SYN3: variants seen among roughly 807,000 people sequenced by gnomAD.
SYN3 encodes synapsin III, also known as synapsin-3.
SYN3 carries 35 observed loss-of-function variants against 65.8 expected under a neutral mutation model. The observed-to-expected ratio is 0.53, with a 90% confidence interval of 0.41 to 0.70. The LOEUF (loss-of-function observed/expected upper bound fraction) is 0.70, where lower values mean the gene tolerates loss of function less well. SYN3 is among the 30% of genes least tolerant of loss of function. The probability of loss-of-function intolerance (pLI) is 0.00; values close to 1 mark genes in which losing one functional copy is unlikely to be tolerated. For synonymous variants in SYN3, 270 were observed against 292.9 expected (o/e 0.92, Z 0.80); for missense variants, 680 against 749.0 (o/e 0.91, Z 1.08).
intron 8 of SYN3, among the ~76,000 whole-genome samples, chr22:32,540,545 A>G (rs4821072): frequency 0.3 from 45,534 of 152,090 alleles, 6,999 homozygotes; most frequent in Middle Eastern, 0.41. Flanking sequence ...AAAGATAGAG[A>G]GGGCTTGGAG....
chr22:32,924,811 G>C lies in SYN3; in HGVS notation c.461+6579C>G, dbSNP rs533229222. On this transcript the variant is annotated intron_variant, in intron 4 of 13. Coordinates refer to ENST00000358763, the MANE Select transcript of SYN3 (RefSeq NM_003490.4). ...AAGTCCAAAATCAAGGTGTTGGCAG[G>C]CTGGGCTTGGTGGCTTATGCCTGTA... 2.2e-4 allele frequency among the ~76,000 whole-genome samples: 33 copies of C among 152,342 alleles called. No individual in the cohort carries two copies. The South Asian group carries it at 6.6e-3, about 31-fold the overall frequency.
At chr22:32,687,737 G>T (rs923962724) in intron 6 of SYN3, among the ~76,000 whole-genome samples, 1 of 35,476 alleles carries the variant, frequency 2.8e-5, no homozygotes, top group Non-Finnish European at 5.1e-5. Flanking sequence ...TTTCCTCCTC[G>T]CTTCAAGGAC....
chr22:32,659,182 T>C (rs915339078), intron 6 of SYN3, among the ~76,000 whole-genome samples: 9 of 151,680 alleles, frequency 5.9e-5, no homozygotes, highest in Admixed American at 1.3e-4. Context: ...AGCTAAAGAG[T>C]TGGAGTGGGG....
chr22:32,918,153 CAA>C (rs1413218174), intron 4 of SYN3, among the ~76,000 whole-genome samples: 6 of 152,222 alleles, frequency 3.9e-5, no homozygotes, highest in African/African-American at 1.4e-4. Context: ...CTTATTCATG[CAA>C]AGAGTCGGCT....
intron 12 of SYN3, among the ~76,000 whole-genome samples, chr22:32,523,276 G>T (rs1442810288): frequency 6.6e-6 from 1 of 152,168 alleles, no homozygotes; most frequent in African/African-American, 2.4e-5. Context: ...ACTTTGGGAG[G>T]CCAAGGCAGG....
intron 6 of SYN3, among the ~76,000 whole-genome samples, chr22:32,780,107 G>C (rs1602129741): frequency 8.1e-6 from 1 of 122,740 alleles, no homozygotes; most frequent in East Asian, 2.4e-4. Flanking sequence ...AAAAAAAACA[G>C]AAATGGCCTG....
chr22:32,943,136 C>T (rs540635502), intron 3 of SYN3, among the ~76,000 whole-genome samples: 1 of 152,188 alleles, frequency 6.6e-6, no homozygotes, highest in East Asian at 1.9e-4. Context: ...CTCCAAGACA[C>T]ATAATTGTCA....
At position 32,556,795 on chromosome 22, in the gene SYN3, GGTTTCCTGGTTTTTT is replaced by G. The variant is rs1205624488; in HGVS notation, c.775-15097_775-15083del. ...CAATGACCCAATGACCCAATCTATA[GGTTTCCTGGTTTTTT>G]TTTTTTTTTTTTTTTTTTTTTTTTT... On this transcript the variant is annotated intron_variant, in intron 7 of 13. Transcript: ENST00000358763. Among the ~76,000 whole-genome samples the G allele has an allele frequency of 2.9e-3, 253 of 87,196 alleles. 24 individuals are homozygous for G. The highest frequency in any genetic ancestry group is 7.4e-3 in the African/African-American group (136 of 18,342). The allele number at this position is 87,196 out of a possible 152,430, so 57.2% of individuals were successfully genotyped here.
At chr22:32,515,823 G>A (rs1266173143) in intron 13 of SYN3, among the ~76,000 whole-genome samples, 1 of 151,640 alleles carries the variant, frequency 6.6e-6, no homozygotes, top group Non-Finnish European at 1.5e-5. Flanking sequence ...TTTCGAGATG[G>A]AGTCTTGCTC....
intron 3 of SYN3, among the ~76,000 whole-genome samples, chr22:32,969,541 A>G (rs2051955673): frequency 6.6e-6 from 1 of 152,184 alleles, no homozygotes; most frequent in African/African-American, 2.4e-5. Context: ...TGGCTTCTTA[A>G]AAGGGAAAAA....
intron 6 of SYN3, among the ~76,000 whole-genome samples, chr22:32,842,805 C>T (rs1340244741): frequency 6.6e-6 from 1 of 152,120 alleles, no homozygotes; most frequent in Non-Finnish European, 1.5e-5. Flanking sequence ...TACTGTTATA[C>T]TGCTGATGGC....
chr22:32,785,757 G>A (rs945197301), intron 6 of SYN3, among the ~76,000 whole-genome samples: 1 of 152,076 alleles, frequency 6.6e-6, no homozygotes, highest in Non-Finnish European at 1.5e-5. Context: ...CTCATGGCCC[G>A]CTGAGATGGT....
At chr22:32,747,305 A>AAAAACAAAACAAAACAAAACAAAAC (rs60455960) in intron 6 of SYN3, among the ~76,000 whole-genome samples, 9,477 of 150,414 alleles carry the variant, frequency 0.063, 329 homozygotes, top group African/African-American at 0.07. Flanking sequence ...TTCCAAGACC[A>AAAAACAAAACAAAACAAAACAAAAC]AAAACAAAAC....
intron 6 of SYN3, among the ~76,000 whole-genome samples, chr22:32,723,859 T>C (rs1440185209): frequency 6.6e-6 from 1 of 152,224 alleles, no homozygotes; most frequent in Non-Finnish European, 1.5e-5. Context: ...AGGGGAGCTG[T>C]AGGCCGTGCC....
intron 7 of SYN3, among the ~76,000 whole-genome samples, chr22:32,549,728 G>A (rs1294753610): frequency 1.3e-5 from 2 of 152,142 alleles, no homozygotes; most frequent in Non-Finnish European, 2.9e-5. Context: ...GTGAAACTCA[G>A]TCTCTAGTAA....
chr22:32,643,562 G>GGGGC (rs2059936622), intron 6 of SYN3, among the ~76,000 whole-genome samples: 3 of 122,032 alleles, frequency 2.5e-5, no homozygotes, highest in Non-Finnish European at 3.4e-5. Context: ...GGGGGCGGGG[G>GGGGC]GGGCAGAACA....
chr22:33,046,811 C>A (rs529982658), intron 1 of SYN3, among the ~76,000 whole-genome samples: 1 of 147,812 alleles, frequency 6.8e-6, no homozygotes, highest in African/African-American at 2.5e-5. Context: ...CCACTGCACT[C>A]CAGCCTGGGC....
chr22:33,058,319 C>G lies in SYN3; in HGVS notation c.-190G>C, dbSNP rs1263356279. On this transcript the variant is annotated 5_prime_UTR_variant, in exon 1 of 14. Transcript: ENST00000358763. ...TGCGAGCCGCCAGGAACTCGGCGCCCGGTGGTGCCTCGGCGCGGCGCCCGC... is the reference window on the plus strand; with the variant it reads ...TGCGAGCCGCCAGGAACTCGGCGCCGGGTGGTGCCTCGGCGCGGCGCCCGC... 5 of 149,676 alleles carry G rather than the reference C, an allele frequency of 3.3e-5. No homozygotes were observed. Among genetic ancestry groups the G allele is most frequent in the African/African-American group, 5.0e-5 (2 of 39,990 alleles). The allele number at this position is 149,676 out of a possible 1,614,324, so 9.3% of individuals were successfully genotyped here.
intron 3 of SYN3, among the ~76,000 whole-genome samples, chr22:32,979,235 C>T (rs995709085): frequency 6.6e-6 from 1 of 151,600 alleles, no homozygotes; most frequent in African/African-American, 2.4e-5. Context: ...AAAGACTTAG[C>T]TCACCTCTCC....
Sources: gnomAD v4.1 joint callset for allele counts (sites outside exome capture counted in the v4.1 genomes callset) on GRCh38, gnomAD v4.1.1 for gene constraint, MANE v1.5 for transcripts, NCBI Gene and HGNC (gene_info 2026-07-23, HGNC 2026-07-21) for gene names.